Variants in KCNT1 observed in about 807,000 individuals in gnomAD.
KCNT1 encodes potassium sodium-activated channel subfamily T member 1.
In KCNT1, 78 loss-of-function variants were observed where a neutral mutation model predicts 147.8. The observed-to-expected ratio is 0.53, with a 90% CI of 0.44 to 0.64. KCNT1 has a LOEUF of 0.64. Among genes scored for constraint, KCNT1 ranks in the 30% least tolerant of loss-of-function variants. The pLI is 0.00. For missense variants in KCNT1, 1,419 were observed against 1,750.3 expected, an observed-to-expected ratio of 0.81 and a Z score of 3.38; for synonymous variants, 867 against 748.8, an observed-to-expected ratio of 1.16 and a Z score of -2.58.
At chr9:135,743,242 G>A (rs1362610412) in intron 2 of KCNT1, among the ~76,000 whole-genome samples, 3 of 152,152 alleles carry the variant, frequency 2.0e-5, no homozygotes, top group Non-Finnish European at 2.9e-5. Flanking sequence ...CCACTGAGCC[G>A]CCGGGGCTCT....
chr9:135,757,014 TCTC>T, intron 7 of KCNT1, 82 bp downstream of exon 7: 7 of 831,630 alleles, frequency 8.4e-6, no homozygotes, highest in Non-Finnish European at 8.3e-6. Context: ...TCCCCCACCC[TCTC>T]CTATTTCCCC....
intron 11 of KCNT1, among the ~76,000 whole-genome samples, chr9:135,761,027 AT>A (rs370378994): frequency 5.4e-4 from 79 of 147,030 alleles, no homozygotes; most frequent in African/African-American, 1.1e-3. Context: ...GATGGTCTTG[AT>A]TTTTTTTTTT....
chr9:135,749,554 A>C (rs2131406125), intron 2 of KCNT1, among the ~76,000 whole-genome samples: 1 of 152,254 alleles, frequency 6.6e-6, no homozygotes, highest in South Asian at 2.1e-4. Flanking sequence ...ACCACTTCCC[A>C]CCAGCCCATC....
intron 19 of KCNT1, among the ~76,000 whole-genome samples, chr9:135,774,260 G>A (rs1832967596): frequency 6.9e-6 from 1 of 145,332 alleles, no homozygotes; most frequent in African/African-American, 2.6e-5. Context: ...TGTGGTGTGT[G>A]TGGTGTCTGT....
chr9:135,781,186 G>A lies in KCNT1; in HGVS notation c.2841+1716G>A, dbSNP rs1014171949. On this transcript the variant is annotated intron_variant, in intron 24 of 30. Coordinates refer to ENST00000371757, the MANE Select transcript of KCNT1 (RefSeq NM_020822.3). ...GCTCCAGCTCCAGTCATGCGATTCC[G>A]TGGCAGTTGTGTGACAGGGACCAAG... Among the ~76,000 whole-genome samples the A allele has an allele frequency of 2.0e-5, 3 of 152,336 alleles. No homozygotes were observed. The East Asian group carries it at 5.8e-4, about 29-fold the overall frequency.
chr9:135,742,624 G>C, intron 2 of KCNT1: 1 of 653,292 alleles, frequency 1.5e-6, no homozygotes, highest in Admixed American at 2.3e-5. Flanking sequence ...GAGCCTCCCT[G>C]CGTGTCTGTG....
intron 27 of KCNT1, 145 bp downstream of exon 27, chr9:135,785,034 G>T: frequency 7.5e-7 from 1 of 1,334,912 alleles, no homozygotes; most frequent in Non-Finnish European, 1.0e-6. Flanking sequence ...AGGGACCTGG[G>T]CTAGATCAGC....
intron 25 of KCNT1, 60 bp downstream of exon 25, chr9:135,784,185 A>G: frequency 1.5e-6 from 2 of 1,293,148 alleles, no homozygotes; most frequent in Non-Finnish European, 2.2e-6. Context: ...TCATGCCCTC[A>G]GCTCTTCAGC....
rs1166362224 is a variant in KCNT1, at chr9:135,726,733, T to TTCCCTCCCTCTC, written c.254+12032_254+12043dup. 3.8e-3 allele frequency among the ~76,000 whole-genome samples: 347 copies of TTCCCTCCCTCTC among 92,212 alleles called. 4 individuals carry two copies. The highest frequency in any genetic ancestry group is 0.012 in the African/African-American group (295 of 23,696). The allele number at this position is 92,212 out of a possible 152,430, so 60.5% of individuals were successfully genotyped here. ...CCTCTCTCTCTCTCACTCTCTACCT[T>TTCCCTCCCTCTC]TCCCTCCCTCTCTCCCTCCCTCTCT... On this transcript the variant is annotated intron_variant, in intron 2 of 30. Transcript: ENST00000371757.
In KCNT1 at chr9:135,750,099, G is replaced by A. The variant is rs1172819191; in HGVS notation, c.256G>A (p.Val86Ile). ...CCATGCCCCTCTCTGCTTCTTCAGG[G>A]TCCAGGTGGAGTTCTACGTCAACGA... is the stretch of plus-strand genomic sequence containing the variant. The part of the protein sequence containing the change: ...GDPSFQNDDR[V>I]QVEFYVNENT... The change falls in exon 3 of 31, where the codon GTC becomes ATC. Residue 86 changes from valine to isoleucine, a missense_variant and splice_region_variant. Coordinates refer to ENST00000371757, the MANE Select transcript of KCNT1 (RefSeq NM_020822.3). The A allele has an allele frequency of 5.6e-6, 9 of 1,613,536 alleles. No individual in the cohort carries two copies. The highest frequency in any genetic ancestry group is 2.2e-5 in the East Asian group (1 of 44,888).
At chr9:135,712,796 G>T (rs893904569) in intron 1 of KCNT1, among the ~76,000 whole-genome samples, 4 of 152,220 alleles carry the variant, frequency 2.6e-5, no homozygotes, top group Non-Finnish European at 5.9e-5. Flanking sequence ...CTGGCTCTGT[G>T]GGGGGAACAA....
chr9:135,740,060 G>A (rs556515360), intron 2 of KCNT1, among the ~76,000 whole-genome samples: 9 of 152,180 alleles, frequency 5.9e-5, no homozygotes, highest in East Asian at 5.8e-4. Flanking sequence ...TCTCCTGGCC[G>A]TCCCGCTATG....
At chr9:135,750,413 G>A (rs971781835) in intron 3 of KCNT1, 29 of 570,212 alleles carry the variant, frequency 5.1e-5, no homozygotes, top group African/African-American at 7.5e-5. Context: ...CCTCTGCAGC[G>A]GGACTCGTGG....
chr9:135,720,378 T>C (rs1835876422), intron 2 of KCNT1, among the ~76,000 whole-genome samples: 1 of 127,184 alleles, frequency 7.9e-6, no homozygotes, highest in Non-Finnish European at 1.7e-5. Flanking sequence ...AGCTGAACAA[T>C]TTCTCAGCTG....
chr9:135,753,270 CAA>C (rs1478212324), intron 4 of KCNT1, among the ~76,000 whole-genome samples: 1 of 152,168 alleles, frequency 6.6e-6, no homozygotes, highest in Non-Finnish European at 1.5e-5. Context: ...AAAGAAAAGA[CAA>C]GAGGAGCTGG....
intron 2 of KCNT1, chr9:135,736,472 C>G (rs1050159462): frequency 6.6e-6 from 1 of 152,150 alleles, no homozygotes; most frequent in South Asian, 2.1e-4. Context: ...TGGTTTGAGC[C>G]GGGCAGTCCT....
At chr9:135,775,439 C>G (rs773508442) in intron 20 of KCNT1, 24 bp downstream of exon 20, 22 of 1,568,722 alleles carry the variant, frequency 1.4e-5, no homozygotes, top group African/African-American at 2.7e-5. Flanking sequence ...CTCTGCCGCG[C>G]TCTGCACCCC....
intron 2 of KCNT1, among the ~76,000 whole-genome samples, chr9:135,731,979 TATATATATATATAGAGAGAGAG>T (rs1310091966): frequency 3.5e-5 from 1 of 28,228 alleles, no homozygotes; most frequent in Admixed American, 4.4e-4. Flanking sequence ...TATATATATA[TATATATATATATAGAGAGAGAG>T]AGAGAGAGAG....
At chr9:135,703,356 T>G (rs971306705) in intron 1 of KCNT1, among the ~76,000 whole-genome samples, 2 of 152,218 alleles carry the variant, frequency 1.3e-5, no homozygotes, top group African/African-American at 4.8e-5. Flanking sequence ...GTTTGTTCTA[T>G]GGGACTCAGT....
Sources: allele counts gnomAD v4.1 joint callset (sites outside exome capture counted in the v4.1 genomes callset), GRCh38; gene constraint gnomAD v4.1.1; transcripts MANE v1.5; gene names NCBI Gene and HGNC (gene_info 2026-07-23, HGNC 2026-07-21).